Variants in SNTG1 observed in about 807,000 individuals in gnomAD.
The protein encoded by SNTG1 is syntrophin gamma 1.
A neutral mutation model predicts 74.7 loss-of-function variants in SNTG1; 39 were observed. The observed-to-expected ratio is 0.52, with a 90% CI of 0.40 to 0.68. The LOEUF (loss-of-function observed/expected upper bound fraction) is 0.68, where lower values mean the gene tolerates loss of function less well. Among genes scored for constraint, SNTG1 ranks in the 30% least tolerant of loss-of-function variants. The pLI is 0.00. For missense variants in SNTG1, 685 were observed against 609.5 expected, an observed-to-expected ratio of 1.12 and a Z score of -1.30; for synonymous variants, 254 against 217.1, an observed-to-expected ratio of 1.17 and a Z score of -1.49.
At chr8:50,526,375 T>A (rs1266909852) in intron 9 of SNTG1, among the ~76,000 whole-genome samples, 1 of 152,176 alleles carries the variant, frequency 6.6e-6, no homozygotes, top group Non-Finnish European at 1.5e-5. Context: ...TCCAGCTTAG[T>A]GGAAGGGCTG....
chr8:49,993,821 G>A (rs1813919244), intron 1 of SNTG1, among the ~76,000 whole-genome samples: 2 of 152,142 alleles, frequency 1.3e-5, no homozygotes, highest in South Asian at 4.1e-4. Flanking sequence ...GGGATTTTGG[G>A]TTGGTCCCAA....
At chr8:50,170,503 CAT>C (rs2082768257) in intron 1 of SNTG1, among the ~76,000 whole-genome samples, 1 of 152,062 alleles carries the variant, frequency 6.6e-6, no homozygotes, top group South Asian at 2.1e-4. Context: ...ACATGTATGA[CAT>C]ATGTGGGGAT....
chr8:50,451,094 C>T (rs117284022), intron 8 of SNTG1, among the ~76,000 whole-genome samples: 7,388 of 152,182 alleles, frequency 0.049, 243 homozygotes, highest in Middle Eastern at 0.1. Flanking sequence ...GAATCTCACA[C>T]AGTACAGTCA....
At chr8:50,058,781 T>A (rs911894902) in intron 1 of SNTG1, among the ~76,000 whole-genome samples, 1 of 151,814 alleles carries the variant, frequency 6.6e-6, no homozygotes, top group Non-Finnish European at 1.5e-5. Flanking sequence ...TTTAGTGCCA[T>A]GCAATTTTAT....
rs2092818256 is a variant in SNTG1 at position 50,402,380 on chromosome 8, T to C, written c.162+36T>C. On this transcript the variant is annotated intron_variant, in intron 4 of 18. Coordinates refer to ENST00000642720, the MANE Select transcript of SNTG1 (RefSeq NM_018967.5). ...TTTTCTTCTGTTGAAATTTTTTGTG[T>C]TTGTTTTTTGTTAATAAAAATGTTT... The C allele has an allele frequency of 6.4e-6, 10 of 1,559,126 alleles. No individual in the cohort carries two copies. The African/African-American group carries it at 8.3e-5, about 13-fold the overall frequency.
chr8:50,454,842 A>AAAAAAAAAAAAAG (rs1351126304), intron 8 of SNTG1, among the ~76,000 whole-genome samples: 2 of 151,648 alleles, frequency 1.3e-5, no homozygotes, highest in African/African-American at 2.4e-5. Flanking sequence ...AAAAAAAAAA[A>AAAAAAAAAAAAAG]AAAAAAAAAG....
chr8:50,337,466 T>C (rs2091179019), intron 2 of SNTG1, among the ~76,000 whole-genome samples: 1 of 152,102 alleles, frequency 6.6e-6, no homozygotes, highest in Non-Finnish European at 1.5e-5. Context: ...CTGAGAAAAA[T>C]TTCTACCCGT....
chr8:50,136,255 TG>T (rs533096018), intron 1 of SNTG1, among the ~76,000 whole-genome samples: 8 of 152,186 alleles, frequency 5.3e-5, no homozygotes, highest in African/African-American at 1.9e-4. Context: ...ATTTATATTT[TG>T]GGGGGGAATA....
chr8:50,674,212 C>T (rs556015966), intron 15 of SNTG1, among the ~76,000 whole-genome samples: 1 of 152,214 alleles, frequency 6.6e-6, no homozygotes, highest in African/African-American at 2.4e-5. Context: ...GGAGGAGTCC[C>T]TCCTTTTGGA....
At chr8:50,699,454 A>C (rs2095416204) in intron 15 of SNTG1, among the ~76,000 whole-genome samples, 1 of 152,102 alleles carries the variant, frequency 6.6e-6, no homozygotes, top group Admixed American at 6.6e-5. Flanking sequence ...TCTACACACC[A>C]TTGTCATTCT....
At position 50,444,764 on chromosome 8, in the gene SNTG1, A is replaced by AGAAAG. The variant is rs1554528649; in HGVS notation, c.220-4904_220-4903insGAAAG. ...GACTCCATCTCAGAAAAAAAAAAAA[A>AGAAAG]AAAGAAAGAGATAACAAGCATACAG... On this transcript the variant is annotated intron_variant, in intron 5 of 18. Transcript: ENST00000642720. 1.9e-4 allele frequency among the ~76,000 whole-genome samples: 26 copies of AGAAAG among 140,226 alleles called. No homozygotes were observed. The East Asian group carries it at 1.9e-3, about 10-fold the overall frequency. The allele number at this position is 140,226 out of a possible 152,430, so 92.0% of individuals were successfully genotyped here.
chr8:50,365,029 G>A (rs2092069699), intron 2 of SNTG1, among the ~76,000 whole-genome samples: 1 of 151,874 alleles, frequency 6.6e-6, no homozygotes, highest in Non-Finnish European at 1.5e-5. Flanking sequence ...TATTTATTAA[G>A]CAGTTATTTT....
At chr8:50,135,924 T>C (rs1290276254) in intron 1 of SNTG1, among the ~76,000 whole-genome samples, 1 of 152,116 alleles carries the variant, frequency 6.6e-6, no homozygotes, top group Non-Finnish European at 1.5e-5. Flanking sequence ...CTCAAGTAGG[T>C]CCCACTGTCT....
At chr8:49,984,939 T>G (rs1025799518) in intron 1 of SNTG1, among the ~76,000 whole-genome samples, 3 of 140,968 alleles carry the variant, frequency 2.1e-5, no homozygotes, top group Admixed American at 1.4e-4. Flanking sequence ...TTGGAGTATG[T>G]TTTTTTTACC....
intron 2 of SNTG1, among the ~76,000 whole-genome samples, chr8:50,300,841 T>G (rs182109926): frequency 8.5e-5 from 13 of 152,272 alleles, no homozygotes; most frequent in Non-Finnish European, 1.5e-4. Flanking sequence ...TTGTTAGATA[T>G]AGACTTTTCA....
intron 2 of SNTG1, among the ~76,000 whole-genome samples, chr8:50,277,378 A>G (rs114221448): frequency 0.013 from 1,968 of 152,246 alleles, 44 homozygotes; most frequent in African/African-American, 0.045. Context: ...TTTATACTCA[A>G]TTAACTACTG....
intron 9 of SNTG1, among the ~76,000 whole-genome samples, chr8:50,507,856 C>G (rs1197195060): frequency 1.3e-5 from 2 of 149,690 alleles, no homozygotes; most frequent in Non-Finnish European, 3.0e-5. Flanking sequence ...CCAAACAAGC[C>G]CTGGTGTGTG....
chr8:50,320,517 C>T (rs902362104), intron 2 of SNTG1, among the ~76,000 whole-genome samples: 1 of 144,906 alleles, frequency 6.9e-6, no homozygotes, highest in Non-Finnish European at 1.5e-5. Flanking sequence ...TCATTTAATT[C>T]TTCTCTGATC....
intron 18 of SNTG1, among the ~76,000 whole-genome samples, chr8:50,771,355 T>C (rs2095626702): frequency 6.6e-6 from 1 of 152,158 alleles, no homozygotes; most frequent in East Asian, 1.9e-4. Context: ...ATTATGTCGA[T>C]GCCCTAGTAT....
Sources: gnomAD v4.1 joint callset for allele counts (sites outside exome capture counted in the v4.1 genomes callset) on GRCh38, gnomAD v4.1.1 for gene constraint, MANE v1.5 for transcripts, NCBI Gene and HGNC (gene_info 2026-07-23, HGNC 2026-07-21) for gene names.